Variants in SLIT3 observed in about 807,000 individuals in gnomAD.
SLIT3 encodes the protein slit homolog 3 protein.
In SLIT3, 68 loss-of-function variants were observed where a neutral mutation model predicts 184.0. The observed-to-expected ratio is 0.37, with a 90% CI of 0.30 to 0.45. The LOEUF (loss-of-function observed/expected upper bound fraction) is 0.45, where lower values mean the gene tolerates loss of function less well. Ranked by LOEUF, SLIT3 falls within the 20% of genes least tolerant of loss-of-function variation. SLIT3 has a pLI of 1.00. For synonymous variants in SLIT3, 831 were observed against 828.6 expected (o/e 1.00, Z -0.05); for missense variants, 1,707 against 2,026.0 (o/e 0.84, Z 3.02).
rs185525279 is a variant in SLIT3, at chr5:168,885,146, T to C, written c.414-1810A>G. On this transcript the variant is annotated intron_variant, in intron 4 of 35. Transcript: ENST00000519560. ...GGACAAGCCATGTGCTCTGAGCAGCTAGCTAAAACGAAACTTGACGATCAT... is the reference window on the plus strand; with the variant it reads ...GGACAAGCCATGTGCTCTGAGCAGCCAGCTAAAACGAAACTTGACGATCAT... Among the ~76,000 whole-genome samples the C allele has an allele frequency of 5.6e-4, 85 of 152,248 alleles. 2 individuals are homozygous for C. Among genetic ancestry groups the C allele is most frequent in the Middle Eastern group, 3.4e-3 (1 of 294 alleles).
chr5:168,874,845 T>C (rs1426262525), intron 5 of SLIT3, among the ~76,000 whole-genome samples: 2 of 152,216 alleles, frequency 1.3e-5, no homozygotes. Flanking sequence ...ACTTATGCCA[T>C]TGGCCCCGGG....
chr5:169,202,971 C>A (rs910481152), intron 3 of SLIT3, among the ~76,000 whole-genome samples: 1 of 152,130 alleles, frequency 6.6e-6, no homozygotes, highest in African/African-American at 2.4e-5. Context: ...GCCCCTGATG[C>A]CCACAAATGC....
At chr5:168,875,288 A>G (rs1759690924) in intron 5 of SLIT3, among the ~76,000 whole-genome samples, 1 of 150,922 alleles carries the variant, frequency 6.6e-6, no homozygotes, top group Non-Finnish European at 1.5e-5. Context: ...AACAGGAAAG[A>G]AGGGAGGGAG....
chr5:168,841,178 C>T (rs1285991544), intron 6 of SLIT3, among the ~76,000 whole-genome samples: 1 of 152,208 alleles, frequency 6.6e-6, no homozygotes, highest in Non-Finnish European at 1.5e-5. Context: ...CAAAAGGCAG[C>T]TTGGTAGAAT....
chr5:169,160,143 C>T (rs1762432688), intron 4 of SLIT3, among the ~76,000 whole-genome samples: 1 of 152,214 alleles, frequency 6.6e-6, no homozygotes, highest in Non-Finnish European at 1.5e-5. Flanking sequence ...TGAACTTAAT[C>T]CTCACTGATC....
chr5:168,851,005 G>T (rs886481212), intron 5 of SLIT3, among the ~76,000 whole-genome samples: 1 of 152,116 alleles, frequency 6.6e-6, no homozygotes, highest in Admixed American at 6.5e-5. Context: ...AAATGCAGGG[G>T]GAAGATCCCT....
chr5:168,671,455 G>T lies in SLIT3; in HGVS notation c.3870C>A (p.Ala1290=). 6.2e-7 allele frequency: 1 copy of T among 1,612,842 alleles called. No individual in the cohort carries two copies. Among genetic ancestry groups the T allele is most frequent in the Non-Finnish European group, 8.5e-7 (1 of 1,179,662 alleles). Residue 1290 remains alanine (A), a synonymous_variant, in exon 34 of 36, where the codon GCC becomes GCA. Coordinates refer to ENST00000519560, the MANE Select transcript of SLIT3 (RefSeq NM_003062.4). ...GAGGCCGGTCCGTGCCCTGGCGCAA[G>T]GCAGAGAGGCCGGTGGAGGTGGGGA... ...GGIPTSTGLS[A]LRQGTDRPLG...
At chr5:168,773,039 G>T in intron 13 of SLIT3, 95 bp from the exon 14 acceptor site, 1 of 1,277,908 alleles carries the variant, frequency 7.8e-7, no homozygotes, top group Non-Finnish European at 1.1e-6. Flanking sequence ...GCAATCCACT[G>T]CAAGGACTGG....
At chr5:168,758,392 G>A (rs186449887) in intron 16 of SLIT3, among the ~76,000 whole-genome samples, 2 of 152,320 alleles carry the variant, frequency 1.3e-5, no homozygotes, top group African/African-American at 2.4e-5. Flanking sequence ...ACAAATATGC[G>A]CTTGGCCAGC....
chr5:169,173,497 G>A (rs765331606), intron 4 of SLIT3, among the ~76,000 whole-genome samples: 1 of 152,176 alleles, frequency 6.6e-6, no homozygotes, highest in Non-Finnish European at 1.5e-5. Flanking sequence ...CAAGGATGCT[G>A]TCTCCTAGAT....
rs1376023118 is a variant in SLIT3, at chr5:168,663,862, G to C, written c.*2592C>G. The C allele has an allele frequency of 1.3e-5, 2 of 152,214 alleles. No homozygotes were observed. The highest frequency in any genetic ancestry group is 2.9e-5 in the Non-Finnish European group (2 of 68,066). 9.4% of individuals were successfully genotyped at this position (152,214 alleles called of 1,614,324 possible). On this transcript the variant is annotated 3_prime_UTR_variant, in exon 36 of 36. Transcript: ENST00000519560. ...CCATTGCTTGTATTGCCACTTAAGA[G>C]CTCCTTGTGTAATAAGGCAATTGTC...
chr5:169,164,478 G>C (rs1762573232), intron 4 of SLIT3, among the ~76,000 whole-genome samples: 1 of 152,146 alleles, frequency 6.6e-6, no homozygotes, highest in Non-Finnish European at 1.5e-5. Context: ...ATGGTGAAGG[G>C]AGTGATTTGT....
intron 1 of SLIT3, among the ~76,000 whole-genome samples, chr5:169,261,834 C>CATGGG (rs1466334278): frequency 6.6e-6 from 1 of 152,180 alleles, no homozygotes; most frequent in Non-Finnish European, 1.5e-5. Flanking sequence ...TGACATGTTA[C>CATGGG]ATGGGACGGC....
At chr5:169,224,373 A>T (rs1295873455) in intron 3 of SLIT3, among the ~76,000 whole-genome samples, 1 of 90,788 alleles carries the variant, frequency 1.1e-5, no homozygotes, top group East Asian at 4.8e-4. Context: ...TTTATTATTT[A>T]TTTATTTATT....
rs1195998250 is a variant in SLIT3 at position 168,711,050 on chromosome 5, C to G, written c.2564G>C (p.Gly855Ala). Residue 855 changes from glycine (G) to alanine (A), a missense_variant, in exon 25 of 36, where the codon GGA becomes GCA. By Grantham distance (60) the Gly-to-Ala change is moderately conservative. Coordinates refer to ENST00000519560, the MANE Select transcript of SLIT3 (RefSeq NM_003062.4). Reference sequence around the variant, plus strand: ...GCAGTCACAGTGGAGTGGGTTGGTTCCCAGCGCCCTAGGAGGCAGAACAGG... The same window carrying G: ...GCAGTCACAGTGGAGTGGGTTGGTTGCCAGCGCCCTAGGAGGCAGAACAGG... Reference protein sequence around the residue: ...DLTSLSHLALGTNPLHCDCSL... With the variant: ...DLTSLSHLALATNPLHCDCSL... 6.3e-7 allele frequency: 1 copy of G among 1,581,030 alleles called. No homozygotes were observed. Among genetic ancestry groups the G allele is most frequent in the Non-Finnish European group, 8.6e-7 (1 of 1,162,200 alleles).
chr5:169,215,214 C>T (rs1350436347), intron 3 of SLIT3, among the ~76,000 whole-genome samples: 1 of 152,080 alleles, frequency 6.6e-6, no homozygotes, highest in African/African-American at 2.4e-5. Context: ...TCCTTTAGTT[C>T]TTGAACGTAA....
In SLIT3 at chr5:168,804,310, C is replaced by CA. The variant is rs770650322; in HGVS notation, c.935+2135dup. ...GGGTGAGAAGAGTGAAACTCTTTCT[C>CA]AAAAAAAAAAAAAAAAAAAAAAAAA... On this transcript the variant is annotated intron_variant, in intron 9 of 35. Transcript: ENST00000519560. 7.1e-3 allele frequency among the ~76,000 whole-genome samples: 372 copies of CA among 52,356 alleles called. 36 individuals are homozygous for CA. The highest frequency in any genetic ancestry group is 0.02 in the African/African-American group (249 of 12,558). The allele number at this position is 52,356 out of a possible 152,430, so 34.3% of individuals were successfully genotyped here.
chr5:169,020,051 C>T (rs567772442), intron 4 of SLIT3, among the ~76,000 whole-genome samples: 5 of 152,292 alleles, frequency 3.3e-5, no homozygotes, highest in Admixed American at 3.3e-4. Flanking sequence ...ATCGGAAGTC[C>T]TGCCATTTAG....
intron 4 of SLIT3, 132 bp from the exon 5 acceptor site, chr5:168,883,468 C>T (rs924801163): frequency 1.5e-6 from 1 of 662,064 alleles, no homozygotes; most frequent in South Asian, 1.8e-5. Flanking sequence ...GCTGTTTGGT[C>T]TCGGGCCCCA....
Sources: gnomAD v4.1 joint callset for allele counts (sites outside exome capture counted in the v4.1 genomes callset) on GRCh38, gnomAD v4.1.1 for gene constraint, MANE v1.5 for transcripts, NCBI Gene and HGNC (gene_info 2026-07-23, HGNC 2026-07-21) for gene names.